Variants in CPA6 observed in about 807,000 individuals in gnomAD.
CPA6 encodes the protein carboxypeptidase B.
Under a neutral mutation model 63.3 loss-of-function variants are expected in CPA6, and 58 were observed. The observed-to-expected ratio is 0.92, with a 90% CI of 0.74 to 1.14. The LOEUF is 1.14. CPA6 is among the 50% of genes most tolerant of loss of function. CPA6 has a pLI of 0.00. For synonymous variants in CPA6, 185 were observed against 179.0 expected, an observed-to-expected ratio of 1.03 and a Z score of -0.27; for missense variants, 565 against 526.6, an observed-to-expected ratio of 1.07 and a Z score of -0.71.
intron 2 of CPA6, among the ~76,000 whole-genome samples, chr8:67,586,884 T>C (rs1813953311): frequency 6.6e-6 from 1 of 152,166 alleles, no homozygotes; most frequent in Non-Finnish European, 1.5e-5. Context: ...TGGGTAACCA[T>C]GTTGATTCAG....
chr8:67,720,561 C>T (rs900471892), intron 1 of CPA6, among the ~76,000 whole-genome samples: 3 of 144,564 alleles, frequency 2.1e-5, no homozygotes, highest in East Asian at 2.3e-4. Context: ...CAGAAACGGG[C>T]GGGAGGGGAT....
chr8:67,637,862 G>C (rs890472179), intron 1 of CPA6, among the ~76,000 whole-genome samples: 10 of 151,320 alleles, frequency 6.6e-5, no homozygotes, highest in Non-Finnish European at 4.4e-5. Flanking sequence ...TTAGTTTAGT[G>C]GTTTTGAAAT....
chr8:67,713,105 A>G (rs866750634), intron 1 of CPA6, among the ~76,000 whole-genome samples: 869 of 79,710 alleles, frequency 0.011, 6 homozygotes, highest in East Asian at 0.034. Context: ...GTGTGTATAT[A>G]TATATATATA....
chr8:67,442,251 A>C, intron 8 of CPA6, among the ~76,000 whole-genome samples: 1 of 152,144 alleles, frequency 6.6e-6, no homozygotes, highest in Non-Finnish European at 1.5e-5. Context: ...AAGAAGCCAC[A>C]GACCCTGAGT....
At chr8:67,477,191 T>TGA (rs1811259597) in intron 8 of CPA6, among the ~76,000 whole-genome samples, 1 of 146,246 alleles carries the variant, frequency 6.8e-6, no homozygotes, top group Non-Finnish European at 1.5e-5. Flanking sequence ...CTTGGGAGGC[T>TGA]GAGGCAGGAG....
intron 1 of CPA6, among the ~76,000 whole-genome samples, chr8:67,734,090 T>A (rs1272843542): frequency 6.6e-6 from 1 of 151,242 alleles, no homozygotes; most frequent in East Asian, 1.9e-4. Context: ...TTGGCCAGGC[T>A]GGGTCTCCAA....
intron 10 of CPA6, among the ~76,000 whole-genome samples, chr8:67,423,599 T>C (rs1277981109): frequency 2.6e-5 from 4 of 152,206 alleles, no homozygotes; most frequent in Non-Finnish European, 5.9e-5. Flanking sequence ...GTTTGGCTCA[T>C]CCTCAACCCC....
chr8:67,529,258 A>G (rs963484233), intron 2 of CPA6, among the ~76,000 whole-genome samples: 5 of 152,174 alleles, frequency 3.3e-5, no homozygotes, highest in Non-Finnish European at 7.3e-5. Context: ...TGATTAAACA[A>G]GCTGTAGACC....
chr8:67,495,488 A>C (rs1393897), intron 6 of CPA6, among the ~76,000 whole-genome samples: 21,175 of 152,074 alleles, frequency 0.14, 4,035 homozygotes, highest in African/African-American at 0.43. Context: ...CTGCTTTGAA[A>C]TTTTTTTATA....
intron 6 of CPA6, among the ~76,000 whole-genome samples, chr8:67,497,072 G>A (rs1411339135): frequency 6.6e-6 from 1 of 152,134 alleles, no homozygotes; most frequent in Admixed American, 6.5e-5. Context: ...CATGTATGTT[G>A]TAGCATGTAT....
At chr8:67,709,304 A>G in intron 1 of CPA6, among the ~76,000 whole-genome samples, 1 of 152,222 alleles carries the variant, frequency 6.6e-6, no homozygotes. Context: ...TGAACAGCAC[A>G]CTTGGATCTC....
intron 1 of CPA6, among the ~76,000 whole-genome samples, chr8:67,651,868 A>T (rs1292286035): frequency 6.6e-6 from 1 of 151,994 alleles, no homozygotes; most frequent in East Asian, 1.9e-4. Flanking sequence ...CATTAGGTAT[A>T]TCTCCTAAAG....
intron 2 of CPA6, among the ~76,000 whole-genome samples, chr8:67,526,028 T>C (rs1287983246): frequency 6.6e-6 from 1 of 151,386 alleles, no homozygotes; most frequent in Admixed American, 6.6e-5. Flanking sequence ...TGCAACCCCC[T>C]TCCCCCTCGC....
intron 1 of CPA6, among the ~76,000 whole-genome samples, chr8:67,673,244 G>A (rs1160363430): frequency 6.6e-6 from 1 of 151,864 alleles, no homozygotes; most frequent in Admixed American, 6.6e-5. Flanking sequence ...TCCTGAAGGG[G>A]CAAAATAGGG....
In CPA6 at chr8:67,504,102, C is replaced by T. The variant is rs141175042; in HGVS notation, c.636+2685G>A. ...GTTAAGTGACTTGACATTAAGATAACACAGACAGTAAGTGGCAGAGCTGAC... is the reference window on the plus strand; with the variant it reads ...GTTAAGTGACTTGACATTAAGATAATACAGACAGTAAGTGGCAGAGCTGAC... On this transcript the variant is annotated intron_variant, in intron 6 of 10. Coordinates refer to ENST00000297770, the MANE Select transcript of CPA6 (RefSeq NM_020361.5). 4.0e-4 allele frequency among the ~76,000 whole-genome samples: 61 copies of T among 152,306 alleles called. No homozygotes were observed. In the East Asian group the frequency reaches 0.011, roughly 28 times the overall value.
intron 6 of CPA6, among the ~76,000 whole-genome samples, chr8:67,501,907 A>G (rs1335771222): frequency 6.6e-6 from 1 of 152,216 alleles, no homozygotes; most frequent in East Asian, 1.9e-4. Flanking sequence ...TCATAAGTTA[A>G]TATTTGTAAT....
chr8:67,453,776 T>A (rs987221994), intron 8 of CPA6, among the ~76,000 whole-genome samples: 2 of 152,222 alleles, frequency 1.3e-5, no homozygotes, highest in African/African-American at 4.8e-5. Context: ...AAACTTAGTA[T>A]CCTGCATTAA....
At chr8:67,655,270 G>T (rs1201381809) in intron 1 of CPA6, among the ~76,000 whole-genome samples, 1 of 152,048 alleles carries the variant, frequency 6.6e-6, no homozygotes, top group Non-Finnish European at 1.5e-5. Context: ...TGGGAAAAAA[G>T]CATATGCAAG....
intron 8 of CPA6, among the ~76,000 whole-genome samples, chr8:67,439,454 TG>T (rs1810238329): frequency 6.6e-6 from 1 of 152,102 alleles, no homozygotes; most frequent in Non-Finnish European, 1.5e-5. Context: ...CCAGGTATGG[TG>T]GTGCATGCGT....
Sources: gnomAD v4.1 joint callset for allele counts (sites outside exome capture counted in the v4.1 genomes callset) on GRCh38, gnomAD v4.1.1 for gene constraint, MANE v1.5 for transcripts, NCBI Gene and HGNC (gene_info 2026-07-23, HGNC 2026-07-21) for gene names.